The following ZNF536 variants were observed in gnomAD, a reference collection of about 807,000 sequenced individuals.
ZNF536 encodes the protein zinc finger protein 536.
In ZNF536, 13 loss-of-function variants were observed where a neutral mutation model predicts 84.5. The observed-to-expected ratio is 0.15, with a 90% CI of 0.10 to 0.24. The LOEUF (loss-of-function observed/expected upper bound fraction) is 0.24, where lower values mean the gene tolerates loss of function less well. Ranked by LOEUF, ZNF536 falls within the 10% of genes least tolerant of loss-of-function variation. The pLI is 1.00. For synonymous variants in ZNF536, 811 were observed against 742.5 expected (o/e 1.09, Z -1.50); for missense variants, 1,536 against 1,747.5 (o/e 0.88, Z 2.16).
At chr19:30,321,237 C>A (rs943926301) in intron 2 of ZNF536, among the ~76,000 whole-genome samples, 18 of 152,224 alleles carry the variant, frequency 1.2e-4, no homozygotes, top group Admixed American at 1.0e-3. Flanking sequence ...GGCCCTACAA[C>A]TGCCCTCACC....
chr19:30,712,154 T>C (rs1186077933), exon 2 of ZNF536: 1 of 152,198 alleles, frequency 6.6e-6, no homozygotes, highest in Non-Finnish European at 1.5e-5. Context: ...TATATTTTTG[T>C]AGATTTTAGA....
In ZNF536 at chr19:30,444,699, C is replaced by T. The variant is rs2148194533; in HGVS notation, c.1137C>T (p.Gly379=). 6.2e-7 allele frequency: 1 copy of T among 1,613,954 alleles called. No homozygotes were observed. The highest frequency in any genetic ancestry group is 2.2e-5 in the East Asian group (1 of 44,856). The change falls in exon 2 of 5, where the codon GGC becomes GGT. Residue 379 remains glycine (G), a synonymous_variant. Coordinates refer to ENST00000355537, the MANE Select transcript of ZNF536 (RefSeq NM_014717.3). ...DSFEHCCQIC[G]RRFKEPWFLK... is the part of the protein sequence containing the mutation. ...TTGAGCACTGCTGCCAGATCTGCGG[C>T]CGGCGCTTCAAGGAGCCCTGGTTCC...
intron 2 of ZNF536, among the ~76,000 whole-genome samples, chr19:30,496,807 G>A (rs1599587233): frequency 6.6e-6 from 1 of 152,076 alleles, no homozygotes; most frequent in Non-Finnish European, 1.5e-5. Context: ...TGAGCTAGTC[G>A]AGTAGGTGCT....
chr19:30,677,694 G>A (rs1213603253), intron 1 of ZNF536, among the ~76,000 whole-genome samples: 3 of 152,234 alleles, frequency 2.0e-5, no homozygotes, highest in South Asian at 4.1e-4. Flanking sequence ...TGTAGAGACT[G>A]GGATAACCAA....
intron 1 of ZNF536, among the ~76,000 whole-genome samples, chr19:30,403,812 C>A (rs572762711): frequency 6.6e-6 from 1 of 152,106 alleles, no homozygotes; most frequent in African/African-American, 2.4e-5. Flanking sequence ...CTCTTGACAA[C>A]GGTGTCTGCA....
chr19:30,587,528 TGGCAGGATCCA>T (rs1471008630), intron 1 of ZNF536, among the ~76,000 whole-genome samples: 1 of 152,142 alleles, frequency 6.6e-6, no homozygotes, highest in Non-Finnish European at 1.5e-5. Context: ...CTAGCAGACA[TGGCAGGATCCA>T]GGCAATACTG....
chr19:30,358,923 C>T (rs1248243390), intron 3 of ZNF536, among the ~76,000 whole-genome samples: 1 of 152,200 alleles, frequency 6.6e-6, no homozygotes, highest in Non-Finnish European at 1.5e-5. Flanking sequence ...GGGCAGGTCT[C>T]TTCACTCTTG....
intron 1 of ZNF536, among the ~76,000 whole-genome samples, chr19:30,272,158 G>A (rs2025889543): frequency 6.6e-6 from 1 of 152,152 alleles, no homozygotes; most frequent in South Asian, 2.1e-4. Context: ...GGTTCACTGG[G>A]TTTCCTCAAA....
chr19:30,387,839 G>A (rs1355438805), intron 1 of ZNF536, among the ~76,000 whole-genome samples: 1 of 152,144 alleles, frequency 6.6e-6, no homozygotes, highest in East Asian at 1.9e-4. Flanking sequence ...CCTAGAGAGG[G>A]GACTTAGACC....
intron 2 of ZNF536, among the ~76,000 whole-genome samples, chr19:30,451,052 GC>G (rs982418235): frequency 1.3e-5 from 2 of 152,264 alleles, no homozygotes; most frequent in African/African-American, 4.8e-5. Context: ...CCGAAGCTGT[GC>G]CCAGGCGGAC....
At chr19:30,690,400 A>T (rs62103458) in intron 1 of ZNF536, among the ~76,000 whole-genome samples, 6,432 of 152,344 alleles carry the variant, frequency 0.042, 177 homozygotes, top group Middle Eastern at 0.075. Flanking sequence ...TATGCTGGCG[A>T]TGAGTTTGGT....
chr19:30,400,728 G>A (rs1452830108), intron 1 of ZNF536, among the ~76,000 whole-genome samples: 1 of 152,074 alleles, frequency 6.6e-6, no homozygotes, highest in African/African-American at 2.4e-5. Flanking sequence ...ACCATGCCTG[G>A]CCTGAGAGTT....
At chr19:30,672,759 T>A (rs1016298434) in intron 1 of ZNF536, among the ~76,000 whole-genome samples, 1 of 152,032 alleles carries the variant, frequency 6.6e-6, no homozygotes, top group Admixed American at 6.5e-5. Context: ...GCACAGGCAG[T>A]TTTTTGGGAG....
At chr19:30,551,894 A>G (rs998575378) in intron 4 of ZNF536, among the ~76,000 whole-genome samples, 4 of 149,726 alleles carry the variant, frequency 2.7e-5, no homozygotes, top group African/African-American at 9.9e-5. Context: ...TTCTCATCCC[A>G]CTCCCCCCAT....
chr19:30,445,727 C>T lies in ZNF536; in HGVS notation c.2165C>T (p.Ser722Phe), dbSNP rs2148236787. Residue 722 changes from serine to phenylalanine, a missense_variant, in exon 2 of 5, where the codon TCC becomes TTC. Ser to Phe is a radical substitution (Grantham distance 155). Coordinates refer to ENST00000355537, the MANE Select transcript of ZNF536 (RefSeq NM_014717.3). This position sits in a 1 kb window ranked among gnomAD's most constrained non-coding sequence, Gnocchi z 4.5. The stretch of plus-strand genomic sequence containing the variant: ...AGCCCGCACCCCTCCTCGCCATCCT[C>T]CTCAGGTAGGTTAGCTGAGAAGCGG... ...EDSPHPSSPS[S>F]SDIGEEAGRS... 1 of 1,553,764 alleles carries T rather than the reference C, an allele frequency of 6.4e-7. No homozygotes were observed. Among genetic ancestry groups the T allele is most frequent in the Non-Finnish European group, 8.7e-7 (1 of 1,149,500 alleles).
At chr19:30,649,941 G>T (rs1352524853) in intron 1 of ZNF536, among the ~76,000 whole-genome samples, 2 of 152,016 alleles carry the variant, frequency 1.3e-5, no homozygotes, top group African/African-American at 2.4e-5. Context: ...AGGAATTGTA[G>T]ATTAGAGACT....
intron 1 of ZNF536, among the ~76,000 whole-genome samples, chr19:30,593,689 C>G (rs1482786409): frequency 6.6e-6 from 1 of 152,158 alleles, no homozygotes; most frequent in East Asian, 1.9e-4. Context: ...CTGCCCCTCA[C>G]CCACCCCCTT....
chr19:30,302,487 G>A (rs1373792005), intron 2 of ZNF536, among the ~76,000 whole-genome samples: 2 of 152,156 alleles, frequency 1.3e-5, no homozygotes, highest in African/African-American at 2.4e-5. Context: ...ACGAAGACCC[G>A]GGTGGTCCTC....
rs763737859 is a variant in ZNF536, at chr19:30,557,210, C to A, written c.*46C>A. 1 of 1,610,022 alleles carries A rather than the reference C, an allele frequency of 6.2e-7. No individual in the cohort carries two copies. Among genetic ancestry groups the A allele is most frequent in the South Asian group, 1.1e-5 (1 of 90,724 alleles). The stretch of plus-strand genomic sequence containing the variant: ...CTATCTGGACTTGCCCTTGTCTGTT[C>A]GTGGTCCTCGGTGGTTATCTGCAGC... On this transcript the variant is annotated 3_prime_UTR_variant, in exon 5 of 5. Coordinates refer to ENST00000355537, the MANE Select transcript of ZNF536 (RefSeq NM_014717.3).
Sources: gnomAD v4.1 joint callset for allele counts (sites outside exome capture counted in the v4.1 genomes callset) on GRCh38, gnomAD v4.1.1 for gene constraint, Gnocchi (gnomAD v3.1) non-coding constraint, MANE v1.5 for transcripts, NCBI Gene and HGNC (gene_info 2026-07-23, HGNC 2026-07-21) for gene names.